The following ARF5 variants were observed in gnomAD, a reference collection of about 807,000 sequenced individuals.
ARF5 encodes the protein ARF GTPase 5.
Under a neutral mutation model 24.8 loss-of-function variants are expected in ARF5, and 10 were observed. That is an observed-to-expected ratio of 0.40 (90% CI 0.25 to 0.68). ARF5 has a LOEUF of 0.68. Ranked by LOEUF, ARF5 falls within the 30% of genes least tolerant of loss-of-function variation. The probability of loss-of-function intolerance (pLI) is 0.36; values close to 1 mark genes in which losing one functional copy is unlikely to be tolerated. For synonymous variants in ARF5, 102 were observed against 95.1 expected (o/e 1.07, Z -0.42); for missense variants, 135 against 239.2 (o/e 0.56, Z 2.87).
Position 127,591,073 on chromosome 7 carries a change from C to T in ARF5, c.441C>T (p.His147=), listed in dbSNP as rs34457964. 1.2e-6 allele frequency: 2 copies of T among 1,613,916 alleles called. No homozygotes were observed. Among genetic ancestry groups the T allele is most frequent in the African/African-American group, 2.7e-5 (2 of 74,946 alleles). ...TGACTGACAAGCTGGGGCTACAGCA[C>T]TTACGCAGCCGCACGGTAGGGGTCC... ...SELTDKLGLQ[H]LRSRTWYVQA... is the part of the protein sequence containing the mutation. Residue 147 remains histidine (H), a synonymous_variant, in exon 5 of 6, where the codon CAC becomes CAT. Transcript: ENST00000000233.
At chr7:127,590,017 T>C (rs750315492) in intron 3 of ARF5, 49 bp from the exon 4 acceptor site, 1 of 1,497,004 alleles carries the variant, frequency 6.7e-7, no homozygotes, top group Non-Finnish European at 9.3e-7. Flanking sequence ...CTACGGTATG[T>C]CCCAGGCAGA....
chr7:127,589,178 G>C lies in ARF5; in HGVS notation c.148+15G>C. 2 of 1,613,852 alleles carry C rather than the reference G, an allele frequency of 1.2e-6. No individual in the cohort carries two copies. Among genetic ancestry groups the C allele is most frequent in the Non-Finnish European group, 1.7e-6 (2 of 1,179,802 alleles). On this transcript the variant is annotated intron_variant, in intron 2 of 5. Transcript: ENST00000000233. ...CCCAACCATAGGTGAGCCCGGGGACGAAGCAGGGAGCGGGAGCGCCGCGGC... is the reference window on the plus strand; with the variant it reads ...CCCAACCATAGGTGAGCCCGGGGACCAAGCAGGGAGCGGGAGCGCCGCGGC...
chr7:127,590,060 G>A lies in ARF5; in HGVS notation c.259-6G>A. On this transcript the variant is annotated splice_polypyrimidine_tract_variant and splice_region_variant and intron_variant, in intron 3 of 5. Coordinates refer to ENST00000000233, the MANE Select transcript of ARF5 (RefSeq NM_001662.4). ...GCTTCTCCTTTCTTCCTTCCTTCCT[G>A]CCCAGGGCCTCATCTTTGTGGTGGA... 1 of 1,613,242 alleles carries A rather than the reference G, an allele frequency of 6.2e-7. No homozygotes were observed. Among genetic ancestry groups the A allele is most frequent in the Non-Finnish European group, 8.5e-7 (1 of 1,179,598 alleles).
At chr7:127,589,995 G>A in intron 3 of ARF5, 71 bp from the exon 4 acceptor site, 2 of 1,343,410 alleles carry the variant, frequency 1.5e-6, no homozygotes, top group South Asian at 2.3e-5. Context: ...GAAGAAAACA[G>A]AAAGGGCCAC....
chr7:127,590,194 G>C, intron 4 of ARF5, 57 bp downstream of exon 4: 1 of 1,462,358 alleles, frequency 6.8e-7, no homozygotes, highest in Non-Finnish European at 9.6e-7. Context: ...AGTGATCTCT[G>C]TAGTGGTATA....
At position 127,589,610 on chromosome 7, in the gene ARF5, G is replaced by C; in HGVS notation, c.258+16G>C. On this transcript the variant is annotated intron_variant, in intron 3 of 5. Coordinates refer to ENST00000000233, the MANE Select transcript of ARF5 (RefSeq NM_001662.4). ...GAACACTCAGGTGGAGTGTTGGGAG[G>C]GGACTTTCTAACCCCACGGGAAAAG... 1.3e-6 allele frequency: 2 copies of C among 1,588,722 alleles called. No homozygotes were observed. The highest frequency in any genetic ancestry group is 2.2e-5 in the South Asian group (2 of 90,008).
At chr7:127,589,229 T>G (rs1794249235) in intron 2 of ARF5, 66 bp downstream of exon 2, 2 of 1,554,156 alleles carry the variant, frequency 1.3e-6, no homozygotes, top group South Asian at 1.1e-5. Flanking sequence ...CTGCTCCCAG[T>G]TCTGCCACTT....
At position 127,590,074 on chromosome 7, in the gene ARF5, C is replaced by A; in HGVS notation, c.267C>A (p.Ile89=). ...CCTTCCTTCCTGCCCAGGGCCTCAT[C>A]TTTGTGGTGGACAGTAATGACCGGG... ...RHYFQNTQGL[I]FVVDSNDRER... is the part of the protein sequence containing the mutation. Residue 89 remains isoleucine (I), a synonymous_variant, in exon 4 of 6, where the codon ATC becomes ATA. Transcript: ENST00000000233. 6.2e-7 allele frequency: 1 copy of A among 1,613,904 alleles called. No homozygotes were observed. Among genetic ancestry groups the A allele is most frequent in the Non-Finnish European group, 8.5e-7 (1 of 1,179,870 alleles).
At position 127,591,305 on chromosome 7, in the gene ARF5, CA is replaced by C; in HGVS notation, c.*7del. ...ACGAGCTGTCAAAGCGCTAACCAGC[CA>C]GGGGCAGGCCCCTGATGCCCGGAAG... On this transcript the variant is annotated 3_prime_UTR_variant, in exon 6 of 6. Coordinates refer to ENST00000000233, the MANE Select transcript of ARF5 (RefSeq NM_001662.4). The C allele has an allele frequency of 6.3e-7, 1 of 1,587,140 alleles. No individual in the cohort carries two copies. The highest frequency in any genetic ancestry group is 8.5e-7 in the Non-Finnish European group (1 of 1,169,904).
Position 127,589,463 on chromosome 7 carries a change from T to C in ARF5, c.149-22T>C, listed in dbSNP as rs773751209. 16 of 1,565,440 alleles carry C rather than the reference T, an allele frequency of 1.0e-5. No homozygotes were observed. In the Admixed American group the frequency reaches 2.6e-4, roughly 25 times the overall value. ...CCTTTCTTTCAGGAGTTTTCTCATCTTTTTTTTCCAATTATCTGCAGGCTT... is the reference window on the plus strand; with the variant it reads ...CCTTTCTTTCAGGAGTTTTCTCATCCTTTTTTTCCAATTATCTGCAGGCTT... On this transcript the variant is annotated intron_variant, in intron 2 of 5. Transcript: ENST00000000233.
At position 127,588,885 on chromosome 7, in the gene ARF5, C is replaced by T. The variant is rs1794242701; in HGVS notation, c.68-198C>T. 6.1e-6 allele frequency: 4 copies of T among 655,694 alleles called. No homozygotes were observed. The African/African-American group carries it at 7.3e-5, about 12-fold the overall frequency. The allele number at this position is 655,694 out of a possible 1,614,324, so 40.6% of individuals were successfully genotyped here. A position where few individuals can be genotyped will look rare whatever the true frequency, so the allele number is the denominator to read the frequency against. ...CGTGCCCCTTGCCTCCCAGTCCTCT[C>T]CCGCTCCGCGCCCTCTTTGGAGTTG... is the stretch of plus-strand genomic sequence containing the variant. On this transcript the variant is annotated intron_variant, in intron 1 of 5. Coordinates refer to ENST00000000233, the MANE Select transcript of ARF5 (RefSeq NM_001662.4).
rs754222019 is a variant in ARF5, at chr7:127,589,518, T to C, written c.182T>C (p.Ile61Thr). Residue 61 changes from isoleucine to threonine, a missense_variant, in exon 3 of 6, where the codon ATC (isoleucine) becomes ACC (threonine). Physicochemically the swap from Ile to Thr is moderately conservative, Grantham distance 89. Around this residue, in one of 3 missense-constraint regions of ARF5, gnomAD observed 102 missense variants for 160.9 expected, o/e 0.63. Coordinates refer to ENST00000000233, the MANE Select transcript of ARF5 (RefSeq NM_001662.4). ...FNVETVEYKN[I>T]CFTVWDVGGQ... ...GTAGAAACAGTGGAATATAAGAACA[T>C]CTGTTTCACAGTCTGGGACGTGGGA... 6.2e-7 allele frequency: 1 copy of C among 1,613,134 alleles called. No homozygotes were observed. The highest frequency in any genetic ancestry group is 8.5e-7 in the Non-Finnish European group (1 of 1,179,732).
chr7:127,590,178 G>A (rs1221767674), intron 4 of ARF5, 41 bp downstream of exon 4: 2 of 1,543,634 alleles, frequency 1.3e-6, no homozygotes, highest in Admixed American at 1.7e-5. Context: ...CTCAGCTTGG[G>A]GACAGAGTGA....
At position 127,591,402 on chromosome 7, in the gene ARF5, C is replaced by A; in HGVS notation, c.*103C>A. 9.8e-7 allele frequency: 1 copy of A among 1,023,994 alleles called. No individual in the cohort carries two copies. The highest frequency in any genetic ancestry group is 1.4e-6 in the Non-Finnish European group (1 of 721,250). 63.4% of individuals were successfully genotyped at this position (1,023,994 alleles called of 1,614,324 possible). A position where few individuals can be genotyped will look rare whatever the true frequency, so the allele number is the denominator to read the frequency against. The stretch of plus-strand genomic sequence containing the variant: ...GCAGTGCCCTTTCCTCCCACTTTTC[C>A]TCCCCCATAGCCACAGGCCTCTGCT... On this transcript the variant is annotated 3_prime_UTR_variant, in exon 6 of 6. Coordinates refer to ENST00000000233, the MANE Select transcript of ARF5 (RefSeq NM_001662.4).
At chr7:127,590,902 A>G (rs118187779) in intron 4 of ARF5, 61 bp from the exon 5 acceptor site, 24,290 of 1,544,396 alleles carry the variant, frequency 0.016, 253 homozygotes, top group South Asian at 0.027. Flanking sequence ...GTAGAAAGGG[A>G]ATTCCCCAAC....
At position 127,590,951 on chromosome 7, in the gene ARF5, C is replaced by G. The variant is rs373077459; in HGVS notation, c.331-12C>G. 1.9e-6 allele frequency: 3 copies of G among 1,610,524 alleles called. No individual in the cohort carries two copies. In the African/African-American group the frequency reaches 4.0e-5, roughly 22 times the overall value. On this transcript the variant is annotated splice_polypyrimidine_tract_variant and intron_variant, in intron 4 of 5. Coordinates refer to ENST00000000233, the MANE Select transcript of ARF5 (RefSeq NM_001662.4). ...CGCAGCCTGGGTCCCACCTTCTCTT[C>G]TCCTCTCTCAGCTGCAGGAGGACGA...
intron 1 of ARF5, 131 bp from the exon 2 acceptor site, chr7:127,588,952 A>G (rs1454530949): frequency 1.0e-5 from 11 of 1,058,550 alleles, no homozygotes; most frequent in East Asian, 4.9e-5. Flanking sequence ...AAAGGTAGAT[A>G]ACGACGCGCA....
At position 127,588,493 on chromosome 7, in the gene ARF5, C is replaced by T; in HGVS notation, c.-6C>T. The T allele has an allele frequency of 2.8e-6, 4 of 1,444,276 alleles. No individual in the cohort carries two copies. The highest frequency in any genetic ancestry group is 3.7e-6 in the Non-Finnish European group (4 of 1,088,274). The allele number at this position is 1,444,276 out of a possible 1,614,324, so 89.5% of individuals were successfully genotyped here. On this transcript the variant is annotated 5_prime_UTR_variant, in exon 1 of 6. Coordinates refer to ENST00000000233, the MANE Select transcript of ARF5 (RefSeq NM_001662.4). ...TCGGTGCCCGCGCCCCTCCCCGGGC[C>T]CCGCCATGGGCCTCACCGTGTCCGC...
At chr7:127,589,702 C>T (rs1794256349) in intron 3 of ARF5, 108 bp downstream of exon 3, 4 of 824,740 alleles carry the variant, frequency 4.9e-6, no homozygotes, top group East Asian at 2.6e-5. Flanking sequence ...AAAAACCCTT[C>T]CCCACTTCTA....
Sources: allele counts gnomAD v4.1 joint callset, GRCh38; gene constraint gnomAD v4.1.1; regional missense constraint gnomAD v4.1.1; transcripts MANE v1.5; gene names NCBI Gene and HGNC (gene_info 2026-07-23, HGNC 2026-07-21).